Variants in CADM1 observed in about 807,000 individuals in gnomAD.
The protein encoded by CADM1 is cell adhesion molecule 1.
Under a neutral mutation model 53.1 loss-of-function variants are expected in CADM1, and 15 were observed. The observed-to-expected ratio is 0.28, with a 90% confidence interval of 0.19 to 0.44. The LOEUF is 0.44. Among genes scored for constraint, CADM1 ranks in the 20% least tolerant of loss-of-function variants. CADM1 has a pLI of 1.00. For synonymous variants in CADM1, 281 were observed against 243.0 expected (o/e 1.16, Z -1.45); for missense variants, 434 against 611.3 (o/e 0.71, Z 3.06).
chr11:115,446,629 AG>A (rs1399940208), intron 1 of CADM1, among the ~76,000 whole-genome samples: 1 of 152,220 alleles, frequency 6.6e-6, no homozygotes, highest in Non-Finnish European at 1.5e-5. Context: ...TAAAAGTTAT[AG>A]TGTAAATCAG....
Position 115,178,667 on chromosome 11 carries a change from C to A in CADM1, c.1274G>T (p.Gly425Val). 1 of 1,613,536 alleles carries A rather than the reference C, an allele frequency of 6.2e-7. No homozygotes were observed. Among genetic ancestry groups the A allele is most frequent in the African/African-American group, 1.3e-5 (1 of 75,002 alleles). Residue 425 changes from glycine (G) to valine (V), a missense_variant, in exon 11 of 12, where the codon GGG becomes GTG. Coordinates refer to ENST00000331581, the MANE Select transcript of CADM1 (RefSeq NM_001301043.2). ...ACCTTTATGTCTGGCAAAATAGCGC[C>A]CCAGAATGATGAGCAAGCACAGCAT... is the stretch of plus-strand genomic sequence containing the variant. Reference protein sequence around the residue: ...FAMLCLLIILGRYFARHKGTY... With the variant: ...FAMLCLLIILVRYFARHKGTY...
At chr11:115,313,259 C>A (rs12292474) in intron 1 of CADM1, among the ~76,000 whole-genome samples, 1 of 151,952 alleles carries the variant, frequency 6.6e-6, no homozygotes, top group African/African-American at 2.4e-5. Context: ...GAAGAAATCA[C>A]AAATCTACAA....
At chr11:115,380,109 C>T (rs1017017029) in intron 1 of CADM1, among the ~76,000 whole-genome samples, 3 of 152,128 alleles carry the variant, frequency 2.0e-5, no homozygotes, top group Admixed American at 6.6e-5. Flanking sequence ...CATCCAGATG[C>T]TACACTCAGA....
chr11:115,301,221 G>T (rs1944212801), intron 1 of CADM1, among the ~76,000 whole-genome samples: 1 of 152,074 alleles, frequency 6.6e-6, no homozygotes. Flanking sequence ...CTACTGAAAA[G>T]GGTTCTATTT....
chr11:115,462,654 A>G (rs1393749016), intron 1 of CADM1, among the ~76,000 whole-genome samples: 2 of 152,238 alleles, frequency 1.3e-5, no homozygotes, highest in Non-Finnish European at 2.9e-5. Context: ...AAGGGACATT[A>G]GAAAAACATG....
At chr11:115,346,304 A>G (rs556488254) in intron 1 of CADM1, among the ~76,000 whole-genome samples, 5 of 152,202 alleles carry the variant, frequency 3.3e-5, no homozygotes, top group Non-Finnish European at 7.3e-5. Flanking sequence ...GAATAAGCAA[A>G]ACAGAATTGG....
chr11:115,390,445 GGAA>G (rs1946807325), intron 1 of CADM1, among the ~76,000 whole-genome samples: 1 of 151,774 alleles, frequency 6.6e-6, no homozygotes, highest in East Asian at 1.9e-4. Context: ...GAGGAATATA[GGAA>G]GAAGAGAAGT....
At chr11:115,410,325 T>G (rs1006467697) in intron 1 of CADM1, among the ~76,000 whole-genome samples, 1 of 152,264 alleles carries the variant, frequency 6.6e-6, no homozygotes, top group Non-Finnish European at 1.5e-5. Flanking sequence ...AAAATTAACC[T>G]GTGTTATCCT....
chr11:115,178,621 C>T (rs766626589), intron 11 of CADM1, 23 bp downstream of exon 11: 6 of 1,609,074 alleles, frequency 3.7e-6, no homozygotes, highest in Non-Finnish European at 4.2e-6. Context: ...CACGCTGCTT[C>T]TGTCTGCTGA....
intron 6 of CADM1, among the ~76,000 whole-genome samples, chr11:115,217,184 T>G (rs564481980): frequency 1.1e-4 from 16 of 152,152 alleles, no homozygotes; most frequent in Non-Finnish European, 2.2e-4. Context: ...ATAGTTAAAA[T>G]GGTACCACTG....
At position 115,344,961 on chromosome 11, in the gene CADM1, A is replaced by G. The variant is rs1327765203; in HGVS notation, c.125-104541T>C. 2.0e-5 allele frequency among the ~76,000 whole-genome samples: 3 copies of G among 152,146 alleles called. No homozygotes were observed. In the East Asian group the frequency reaches 5.8e-4, roughly 29 times the overall value. On this transcript the variant is annotated intron_variant, in intron 1 of 11. Coordinates refer to ENST00000331581, the MANE Select transcript of CADM1 (RefSeq NM_001301043.2). ...TTCCTTTCCAAGCCCATCTCTCACA[A>G]TTCTCCAGCATCCCAGGTTTTCATG...
chr11:115,295,234 G>A (rs1944019487), intron 1 of CADM1, among the ~76,000 whole-genome samples: 1 of 151,894 alleles, frequency 6.6e-6, no homozygotes, highest in Non-Finnish European at 1.5e-5. Context: ...TTGCATCAGT[G>A]AGCATTCAAC....
At chr11:115,218,366 A>G (rs573742859) in intron 5 of CADM1, among the ~76,000 whole-genome samples, 1 of 152,334 alleles carries the variant, frequency 6.6e-6, no homozygotes, top group East Asian at 1.9e-4. Context: ...ATTTTATCAT[A>G]TATCATATAT....
chr11:115,322,855 TG>T (rs1944859941), intron 1 of CADM1, among the ~76,000 whole-genome samples: 1 of 152,214 alleles, frequency 6.6e-6, no homozygotes, highest in African/African-American at 2.4e-5. Context: ...GAATCATCCC[TG>T]CTTAATAATA....
intron 1 of CADM1, among the ~76,000 whole-genome samples, chr11:115,381,214 A>T (rs1946568793): frequency 6.6e-6 from 1 of 151,890 alleles, no homozygotes; most frequent in South Asian, 2.1e-4. Context: ...GAATCACTTG[A>T]ACCTCGGGGG....
chr11:115,205,731 T>C (rs892491987), intron 8 of CADM1, among the ~76,000 whole-genome samples: 6 of 152,074 alleles, frequency 3.9e-5, no homozygotes, highest in African/African-American at 1.4e-4. Context: ...AAATATATGG[T>C]CAGACTATCA....
chr11:115,307,025 T>C (rs1239149922), intron 1 of CADM1, among the ~76,000 whole-genome samples: 1 of 151,968 alleles, frequency 6.6e-6, no homozygotes, highest in Non-Finnish European at 1.5e-5. Context: ...GTAGTCAGAA[T>C]GTCAAAGAGA....
At chr11:115,329,333 C>G (rs934050647) in intron 1 of CADM1, among the ~76,000 whole-genome samples, 5 of 152,108 alleles carry the variant, frequency 3.3e-5, no homozygotes, top group African/African-American at 1.2e-4. Context: ...CCACAATAAT[C>G]TCCATCAGTT....
chr11:115,232,142 G>A (rs187128858), intron 3 of CADM1, among the ~76,000 whole-genome samples: 1 of 152,122 alleles, frequency 6.6e-6, no homozygotes, highest in Non-Finnish European at 1.5e-5. Context: ...ACATGCTATT[G>A]AAATGATCAT....
Sources: gnomAD v4.1 joint callset for allele counts (sites outside exome capture counted in the v4.1 genomes callset) on GRCh38, gnomAD v4.1.1 for gene constraint, MANE v1.5 for transcripts, NCBI Gene and HGNC (gene_info 2026-07-23, HGNC 2026-07-21) for gene names.